The following FKBP15 variants were observed in gnomAD, a reference collection of about 807,000 sequenced individuals.
The protein encoded by FKBP15 is FK506-binding protein 15.
In FKBP15, 106 loss-of-function variants were observed where a neutral mutation model predicts 158.1. The observed-to-expected ratio is 0.67, with a 90% confidence interval of 0.57 to 0.79. FKBP15 has a LOEUF of 0.79. Ranked by LOEUF, FKBP15 falls within the 30% of genes least tolerant of loss-of-function variation. The probability of loss-of-function intolerance (pLI) is 0.00; values close to 1 mark genes in which losing one functional copy is unlikely to be tolerated. For synonymous variants in FKBP15, 547 were observed against 548.6 expected, an observed-to-expected ratio of 1.00 and a Z score of 0.04; for missense variants, 1,287 against 1,479.1, an observed-to-expected ratio of 0.87 and a Z score of 2.13.
At chr9:113,179,131 G>A (rs1484818614) in intron 19 of FKBP15, among the ~76,000 whole-genome samples, 1 of 151,842 alleles carries the variant, frequency 6.6e-6, no homozygotes, top group African/African-American at 2.4e-5. Context: ...CTGGGCTCAA[G>A]CAATCCTCCC....
intron 2 of FKBP15, among the ~76,000 whole-genome samples, chr9:113,209,532 C>T (rs1472437462): frequency 6.6e-6 from 1 of 152,116 alleles, no homozygotes; most frequent in Non-Finnish European, 1.5e-5. Flanking sequence ...AAGCAGGGAT[C>T]GGCAAACATT....
rs1425198634 is a variant in FKBP15 at position 113,165,888 on chromosome 9, T to C, written c.*190A>G. 1.3e-5 allele frequency: 7 copies of C among 547,474 alleles called. No homozygotes were observed. The East Asian group carries it at 2.1e-4, about 17-fold the overall frequency. The allele number at this position is 547,474 out of a possible 1,614,324, so 33.9% of individuals were successfully genotyped here. On this transcript the variant is annotated 3_prime_UTR_variant, in exon 28 of 28. Transcript: ENST00000238256. ...CCCAGTGTTCTTGAAGACAGGGTTATGATCCTCTTCACCAGGTCTGGCGGG... is the reference window on the plus strand; with the variant it reads ...CCCAGTGTTCTTGAAGACAGGGTTACGATCCTCTTCACCAGGTCTGGCGGG...
At chr9:113,203,602 A>C (rs554833047) in intron 4 of FKBP15, among the ~76,000 whole-genome samples, 31 of 150,736 alleles carry the variant, frequency 2.1e-4, no homozygotes, top group Non-Finnish European at 3.5e-4. Flanking sequence ...ATCTCGGCTC[A>C]CTGCAACCAC....
intron 4 of FKBP15, among the ~76,000 whole-genome samples, chr9:113,205,784 T>C (rs1246901699): frequency 6.6e-6 from 1 of 152,138 alleles, no homozygotes; most frequent in African/African-American, 2.4e-5. Flanking sequence ...CATCAACTGA[T>C]GAATGAATAA....
chr9:113,169,489 G>A lies in FKBP15; in HGVS notation c.3220C>T (p.Pro1074Ser). The change falls in exon 26 of 28, where the codon CCA (proline) becomes TCA (serine). Residue 1074 changes from proline (P) to serine (S), a missense_variant. Transcript: ENST00000238256. ...TCCCTGACACAGACCTTTCCTGATG[G>A]GTTGTCGGGCTTAGCTGCCATTGGG... ...ASPMAAKPDN[P>S]SGKVCVREVA... 1 of 1,614,032 alleles carries A rather than the reference G, an allele frequency of 6.2e-7. No homozygotes were observed. The highest frequency in any genetic ancestry group is 1.1e-5 in the South Asian group (1 of 91,086).
intron 20 of FKBP15, 30 bp downstream of exon 20, chr9:113,178,600 C>T (rs1195639737): frequency 3.9e-6 from 6 of 1,556,364 alleles, no homozygotes; most frequent in Admixed American, 1.9e-5. Flanking sequence ...TAAATGGCAA[C>T]AATCCCAGCA....
In FKBP15 at chr9:113,169,954, C is replaced by G. The variant is rs755174798; in HGVS notation, c.2767-12G>C. The G allele has an allele frequency of 1.7e-4, 258 of 1,527,064 alleles. No homozygotes were observed. Among genetic ancestry groups the G allele is most frequent in the Non-Finnish European group, 2.1e-4 (245 of 1,139,788 alleles). The allele number at this position is 1,527,064 out of a possible 1,614,324, so 94.6% of individuals were successfully genotyped here. ...TGAAGAGTCACCATCTATTCAAAAG[C>G]CAAGGAAGAGATGGTCACTGAAAGG... On this transcript the variant is annotated splice_polypyrimidine_tract_variant and intron_variant, in intron 25 of 27. Transcript: ENST00000238256.
Position 113,163,222 on chromosome 9 carries a change from GTGA to G in FKBP15, c.*2853_*2855del, listed in dbSNP as rs1830046226. The G allele has an allele frequency of 4.8e-6, 1 of 209,816 alleles. No homozygotes were observed. Among genetic ancestry groups the G allele is most frequent in the Non-Finnish European group, 9.4e-6 (1 of 105,992 alleles). 13.0% of individuals were successfully genotyped at this position (209,816 alleles called of 1,614,324 possible). On this transcript the variant is annotated 3_prime_UTR_variant, in exon 28 of 28. Transcript: ENST00000238256. Reference sequence around the variant, plus strand: ...ACTGAGCCCATGACAATGCTTCTCTGTGACTCAAACCAGGAATTTCCAAAGATT... The same window carrying G: ...ACTGAGCCCATGACAATGCTTCTCTGCTCAAACCAGGAATTTCCAAAGATT...
chr9:113,196,970 T>C lies in FKBP15; in HGVS notation c.826A>G (p.Thr276Ala). Residue 276 changes from threonine to alanine, a missense_variant, in exon 9 of 28, where the codon ACG (threonine) becomes GCG (alanine). By Grantham distance (58) the Thr-to-Ala change is moderately conservative. Transcript: ENST00000238256. Reference protein sequence around the residue: ...SEGVIGWTQATDSILVFEVEV... With the variant: ...SEGVIGWTQAADSILVFEVEV... ...ACCTCGAACACCAGGATCGAGTCCGTTGCTTGAGTCCAGCCTATTACCCCT... is the reference window on the plus strand; with the variant it reads ...ACCTCGAACACCAGGATCGAGTCCGCTGCTTGAGTCCAGCCTATTACCCCT... 1 of 1,613,952 alleles carries C rather than the reference T, an allele frequency of 6.2e-7. No homozygotes were observed. The highest frequency in any genetic ancestry group is 8.5e-7 in the Non-Finnish European group (1 of 1,179,876).
In FKBP15 at chr9:113,173,638, T is replaced by C. The variant is rs781749485; in HGVS notation, c.2380-33A>G. ...GAGAAAGTAATGACCATATCATCCTTGGGGGTGGGGGAGTGAGATTCCATT... is the reference window on the plus strand; with the variant it reads ...GAGAAAGTAATGACCATATCATCCTCGGGGGTGGGGGAGTGAGATTCCATT... On this transcript the variant is annotated intron_variant, in intron 22 of 27. Transcript: ENST00000238256. 2.5e-6 allele frequency: 4 copies of C among 1,596,724 alleles called. No individual in the cohort carries two copies. The East Asian group carries it at 9.0e-5, about 36-fold the overall frequency.
Position 113,203,003 on chromosome 9 carries a change from C to A in FKBP15, c.357G>T (p.Gln119His), listed in dbSNP as rs1390861156. 1 of 1,612,578 alleles carries A rather than the reference C, an allele frequency of 6.2e-7. No homozygotes were observed. Among genetic ancestry groups the A allele is most frequent in the South Asian group, 1.1e-5 (1 of 90,900 alleles). The stretch of plus-strand genomic sequence containing the variant: ...CATGAATCCTAGCAACCGTAACTGG[C>A]TGTTGTTGACTGATATAAAGAAGAA... ...YRILLYISQQ[Q>H]PVTVARIHVN... The change falls in exon 5 of 28, where the codon CAG becomes CAT. Residue 119 changes from glutamine to histidine, a missense_variant. Coordinates refer to ENST00000238256, the MANE Select transcript of FKBP15 (RefSeq NM_015258.2).
rs1320184171 is a variant in FKBP15 at position 113,196,775 on chromosome 9, T to C, written c.864+157A>G. 2.6e-5 allele frequency among the ~76,000 whole-genome samples: 4 copies of C among 152,218 alleles called. No homozygotes were observed. In the East Asian group the frequency reaches 7.7e-4, roughly 29 times the overall value. On this transcript the variant is annotated intron_variant, in intron 9 of 27. Coordinates refer to ENST00000238256, the MANE Select transcript of FKBP15 (RefSeq NM_015258.2). ...TACTTTGGTCCTTAGATTTCAAAGC[T>C]GTTGCTATTTCTGACTACTCCATTT...
chr9:113,200,279 G>A (rs1830763128), intron 6 of FKBP15, among the ~76,000 whole-genome samples: 1 of 152,168 alleles, frequency 6.6e-6, no homozygotes, highest in Non-Finnish European at 1.5e-5. Flanking sequence ...AAAATTAAAT[G>A]AGCTAATATA....
intron 22 of FKBP15, 76 bp from the exon 23 acceptor site, chr9:113,173,681 T>C (rs1270372426): frequency 1.3e-6 from 2 of 1,490,144 alleles, no homozygotes; most frequent in Non-Finnish European, 1.8e-6. Context: ...GGGAAACCCA[T>C]CTTTCAAAAA....
chr9:113,169,879 CT>C lies in FKBP15; in HGVS notation c.2829del (p.Glu944LysfsTer29). On this transcript the variant is annotated frameshift_variant, in exon 26 of 28. Coordinates refer to ENST00000238256, the MANE Select transcript of FKBP15 (RefSeq NM_015258.2). LOFTEE classifies it high-confidence loss of function. ...EQEKEESSSEEEEEKAEERPR... is the reference protein window; with the variant it reads ...EQEKEESSSEXEEEKAEERPR... The stretch of plus-strand genomic sequence containing the variant: ...GGCCGCTCTTCTGCTTTTTCTTCTT[CT>C]TCTTCACTGCTGCTCTCTTCCTTCT... The C allele has an allele frequency of 1.9e-6, 3 of 1,550,734 alleles. No individual in the cohort carries two copies. The highest frequency in any genetic ancestry group is 2.6e-6 in the Non-Finnish European group (3 of 1,147,038).
intron 3 of FKBP15, chr9:113,206,907 A>C: frequency 2.3e-6 from 1 of 434,980 alleles, no homozygotes. Flanking sequence ...TAAAGCTCAT[A>C]TACTATTCCC....
At position 113,162,774 on chromosome 9, in the gene FKBP15, T is replaced by G. The variant is rs1428969399; in HGVS notation, c.*3304A>C. The G allele has an allele frequency of 1.2e-6, 2 of 1,613,490 alleles. No homozygotes were observed. The highest frequency in any genetic ancestry group is 1.7e-6 in the Non-Finnish European group (2 of 1,179,660). On this transcript the variant is annotated 3_prime_UTR_variant, in exon 28 of 28. Transcript: ENST00000238256. ...GTGGTATTTGTGTCACTTTGGCCAGTCTCTAATCCATGTCATCCAGGTGGT... is the reference window on the plus strand; with the variant it reads ...GTGGTATTTGTGTCACTTTGGCCAGGCTCTAATCCATGTCATCCAGGTGGT...
chr9:113,194,825 T>C (rs1015235536), intron 9 of FKBP15, among the ~76,000 whole-genome samples: 2 of 152,220 alleles, frequency 1.3e-5, no homozygotes, highest in Non-Finnish European at 1.5e-5. Context: ...GGAAAAAGTA[T>C]CCAAAGGATT....
chr9:113,175,723 A>C (rs987252468), intron 21 of FKBP15, among the ~76,000 whole-genome samples: 1 of 152,230 alleles, frequency 6.6e-6, no homozygotes, highest in African/African-American at 2.4e-5. Context: ...AAAAAGGATA[A>C]AGGACACTAA....
Sources: gnomAD v4.1 joint callset for allele counts (sites outside exome capture counted in the v4.1 genomes callset) on GRCh38, gnomAD v4.1.1 for gene constraint, MANE v1.5 for transcripts, NCBI Gene and HGNC (gene_info 2026-07-23, HGNC 2026-07-21) for gene names.